The following PRKCZ variants were observed in gnomAD, a reference collection of about 807,000 sequenced individuals.
The protein encoded by PRKCZ is protein kinase C zeta type.
PRKCZ carries 33 observed loss-of-function variants against 79.5 expected under a neutral mutation model. The ratio of observed to expected loss-of-function variants is 0.41; its 90% CI spans 0.31 to 0.55. PRKCZ has a LOEUF of 0.55. Ranked by LOEUF, PRKCZ falls within the 20% of genes least tolerant of loss-of-function variation. The pLI is 0.19. For synonymous variants in PRKCZ, 342 were observed against 320.9 expected, an observed-to-expected ratio of 1.07 and a Z score of -0.70; for missense variants, 578 against 813.5, an observed-to-expected ratio of 0.71 and a Z score of 3.52.
intron 3 of PRKCZ, among the ~76,000 whole-genome samples, chr1:2,057,898 C>T (rs1056234725): frequency 1.7e-4 from 25 of 147,960 alleles, no homozygotes; most frequent in South Asian, 8.6e-4. Flanking sequence ...GTTGGAGTCT[C>T]GCTCTGTCGC....
intron 4 of PRKCZ, among the ~76,000 whole-genome samples, chr1:2,121,662 A>G (rs1571561312): frequency 7.3e-6 from 1 of 136,114 alleles, no homozygotes; most frequent in Non-Finnish European, 1.6e-5. Flanking sequence ...GGTGGTGGTT[A>G]GGGTCGTGGT....
intron 4 of PRKCZ, among the ~76,000 whole-genome samples, chr1:2,072,724 C>G (rs1437885359): frequency 6.6e-6 from 1 of 152,226 alleles, no homozygotes; most frequent in African/African-American, 2.4e-5. Flanking sequence ...GTTGGCCTCT[C>G]GGGGCCGTCC....
Position 2,185,147 on chromosome 1 carries a change from G to A in PRKCZ, c.*138G>A. ...GCTTGCGCCGAGACCGCAGAGGGAA[G>A]CGTCAGCGGGCGCTGCTGGGAGCAG... is the stretch of plus-strand genomic sequence containing the variant. On this transcript the variant is annotated 3_prime_UTR_variant, in exon 18 of 18. Transcript: ENST00000378567. 1.2e-6 allele frequency: 1 copy of A among 831,750 alleles called. No individual in the cohort carries two copies. The highest frequency in any genetic ancestry group is 2.0e-6 in the Non-Finnish European group (1 of 512,420). The allele number at this position is 831,750 out of a possible 1,614,324, so 51.5% of individuals were successfully genotyped here.
chr1:2,151,976 G>T (rs1679993481), intron 9 of PRKCZ, among the ~76,000 whole-genome samples: 1 of 152,114 alleles, frequency 6.6e-6, no homozygotes, highest in African/African-American at 2.4e-5. Flanking sequence ...TCAGCCTCCA[G>T]AGGAACCAGG....
At chr1:2,103,940 A>G (rs10910029) in intron 4 of PRKCZ, among the ~76,000 whole-genome samples, 80,054 of 152,044 alleles carry the variant, frequency 0.53, 22,435 homozygotes, top group East Asian at 0.68. Flanking sequence ...ACTTGTAATC[A>G]CTGGTCACCC....
intron 16 of PRKCZ, 28 bp from the exon 17 acceptor site, chr1:2,184,555 C>A: frequency 6.3e-7 from 1 of 1,585,870 alleles, no homozygotes; most frequent in Admixed American, 1.7e-5. Context: ...CCGCGCGGAG[C>A]TGACCCTTCT....
Position 2,172,111 on chromosome 1 carries a change from TC to T in PRKCZ, c.1119del (p.Tyr374ThrfsTer4). 1 of 1,613,468 alleles carries T rather than the reference TC, an allele frequency of 6.2e-7. No individual in the cohort carries two copies. Among genetic ancestry groups the T allele is most frequent in the Non-Finnish European group, 8.5e-7 (1 of 1,179,972 alleles). ...ALNFLHERGI[I>X]YRDLKLDNVL... Reference sequence around the variant, plus strand: ...AACTTCCTGCACGAGAGGGGGATCATCTACAGGGACCTGAAGCTGGACAACG... The same window carrying T: ...AACTTCCTGCACGAGAGGGGGATCATTACAGGGACCTGAAGCTGGACAACG... On this transcript the variant is annotated frameshift_variant, in exon 12 of 18. Transcript: ENST00000378567. LOFTEE classifies it high-confidence loss of function. The surrounding 1 kb of genome is among the most constrained non-coding windows in gnomAD (Gnocchi z 7.8).
chr1:2,156,241 G>T (rs138959259), intron 10 of PRKCZ, 149 bp downstream of exon 10: 1 of 648,638 alleles, frequency 1.5e-6, no homozygotes, highest in African/African-American at 1.8e-5. Flanking sequence ...TCTCTTTGTT[G>T]TTCTCCTTGG....
At chr1:2,130,283 T>A (rs891914419) in intron 4 of PRKCZ, among the ~76,000 whole-genome samples, 1 of 152,226 alleles carries the variant, frequency 6.6e-6, no homozygotes, top group Non-Finnish European at 1.5e-5. Context: ...GCTTTCCAGC[T>A]GGGGACTGGC....
In PRKCZ at chr1:2,173,163, A is replaced by T. The variant is rs1005679746; in HGVS notation, c.1286-734A>T. On this transcript the variant is annotated intron_variant, in intron 13 of 17. Coordinates refer to ENST00000378567, the MANE Select transcript of PRKCZ (RefSeq NM_002744.6). This position sits in a 1 kb window ranked among gnomAD's most constrained non-coding sequence, Gnocchi z 5.7. ...GGTGTGCCTTCAGACATTTTTACAC[A>T]TTTTTTTTGCCATCAGAATGGGTGT... Among the ~76,000 whole-genome samples the T allele has an allele frequency of 1.3e-5, 2 of 151,874 alleles. No individual in the cohort carries two copies. The highest frequency in any genetic ancestry group is 2.4e-5 in the African/African-American group (1 of 41,360).
At chr1:2,116,170 C>T (rs917018693) in intron 4 of PRKCZ, 1 of 152,314 alleles carries the variant, frequency 6.6e-6, no homozygotes, top group Non-Finnish European at 1.5e-5. Context: ...AAGGCTGAAT[C>T]TGTGTTGATG....
Position 2,174,640 on chromosome 1 carries a change from C to T in PRKCZ, c.1406-114C>T. On this transcript the variant is annotated intron_variant, in intron 14 of 17. Transcript: ENST00000378567. This position sits in a 1 kb window ranked among gnomAD's most constrained non-coding sequence, Gnocchi z 6.2. ...TTGCTGGGCTGTAGGAAGGGAGGGG[C>T]TCCGGGGCCCCAAGGCTGAGCTCCC... is the stretch of plus-strand genomic sequence containing the variant. The T allele has an allele frequency of 1.9e-6, 2 of 1,044,036 alleles. No homozygotes were observed. Among genetic ancestry groups the T allele is most frequent in the Non-Finnish European group, 2.9e-6 (2 of 701,372 alleles). The allele number at this position is 1,044,036 out of a possible 1,614,324, so 64.7% of individuals were successfully genotyped here.
At chr1:2,130,304 TGG>T (rs767168227) in intron 4 of PRKCZ, among the ~76,000 whole-genome samples, 1 of 152,210 alleles carries the variant, frequency 6.6e-6, no homozygotes, top group Non-Finnish European at 1.5e-5. Flanking sequence ...ATGGACCCCA[TGG>T]GGCTTCCCCC....
chr1:2,055,029 G>A (rs1280912484), intron 1 of PRKCZ, among the ~76,000 whole-genome samples: 3 of 150,184 alleles, frequency 2.0e-5, no homozygotes, highest in Admixed American at 6.7e-5. Flanking sequence ...TGCAAGCTCC[G>A]CCTCCCGGGT....
chr1:2,125,171 G>T lies in PRKCZ; in HGVS notation c.335-10091G>T, dbSNP rs117967167. ...CTTGTTGTTGGTGTTGATGTGTTTTGTTTGTTTTAGTGAATCCAGAAAAAA... is the reference window on the plus strand; with the variant it reads ...CTTGTTGTTGGTGTTGATGTGTTTTTTTTGTTTTAGTGAATCCAGAAAAAA... On this transcript the variant is annotated intron_variant, in intron 4 of 17. Transcript: ENST00000378567. The surrounding 1 kb of genome is among the most constrained non-coding windows in gnomAD (Gnocchi z 4.2). Among the ~76,000 whole-genome samples, 473 of 152,256 alleles carry T rather than the reference G, an allele frequency of 3.1e-3. 12 individuals are homozygous for T. The East Asian group carries it at 0.066, about 21-fold the overall frequency.
At chr1:2,085,856 A>G (rs904988937) in intron 4 of PRKCZ, among the ~76,000 whole-genome samples, 1 of 152,080 alleles carries the variant, frequency 6.6e-6, no homozygotes, top group African/African-American at 2.4e-5. Context: ...GCAGGTCTGC[A>G]CTCATGGGTG....
At chr1:2,180,521 A>AGATGACGTGGACGCACG (rs1686388734) in intron 16 of PRKCZ, among the ~76,000 whole-genome samples, 2 of 150,598 alleles carry the variant, frequency 1.3e-5, no homozygotes. Context: ...GTGGACGCAC[A>AGATGACGTGGACGCACG]GATGACGTGG....
At chr1:2,074,007 C>A (rs754733113) in intron 4 of PRKCZ, 37 of 1,422,628 alleles carry the variant, frequency 2.6e-5, no homozygotes, top group Non-Finnish European at 3.2e-5. Flanking sequence ...CCTGTGCGTG[C>A]GGAGGACGGT....
intron 5 of PRKCZ, among the ~76,000 whole-genome samples, chr1:2,140,350 C>T (rs1677065609): frequency 6.6e-6 from 1 of 152,070 alleles, no homozygotes; most frequent in African/African-American, 2.4e-5. Flanking sequence ...TGAAAATGGG[C>T]GATTGAAAAT....
Sources: gnomAD v4.1 joint callset for allele counts (sites outside exome capture counted in the v4.1 genomes callset) on GRCh38, gnomAD v4.1.1 for gene constraint, Gnocchi (gnomAD v3.1) non-coding constraint, MANE v1.5 for transcripts, NCBI Gene and HGNC (gene_info 2026-07-23, HGNC 2026-07-21) for gene names.